Variants in ELAC1 observed in about 807,000 individuals in gnomAD.
The protein encoded by ELAC1 is zinc phosphodiesterase ELAC protein 1.
Under a neutral mutation model 25.8 loss-of-function variants are expected in ELAC1, and 19 were observed. The observed-to-expected ratio is 0.74, with a 90% CI of 0.51 to 1.08. The LOEUF (loss-of-function observed/expected upper bound fraction) is 1.08. Ranked by LOEUF, ELAC1 falls within the 50% of genes least tolerant of loss-of-function variation. ELAC1 has a pLI of 0.00. For missense variants in ELAC1, 403 were observed against 434.6 expected (o/e 0.93, Z 0.65); for synonymous variants, 148 against 160.9 (o/e 0.92, Z 0.61).
chr18:50,969,581 T>C (rs569714776), intron 1 of ELAC1: 1 of 152,330 alleles, frequency 6.6e-6, no homozygotes, highest in African/African-American at 2.4e-5. Context: ...TGGCAACCCC[T>C]AATGAAATAA....
At position 50,974,511 on chromosome 18, in the gene ELAC1, A is replaced by C; in HGVS notation, c.107A>C (p.Asp36Ala). The change falls in exon 2 of 4, where the codon GAC (aspartate) becomes GCC (alanine). Residue 36 changes from aspartate (D) to alanine (A), a missense_variant. Coordinates refer to ENST00000269466, the MANE Select transcript of ELAC1 (RefSeq NM_018696.3). ...TGTGAAGGCGAGTGCTGGCTCTTTG[A>C]CTGTGGGGAGGGAACACAGACACAG... ...LRCEGECWLF[D>A]CGEGTQTQLM... 6.2e-7 allele frequency: 1 copy of C among 1,613,206 alleles called. No individual in the cohort carries two copies. The highest frequency in any genetic ancestry group is 8.5e-7 in the Non-Finnish European group (1 of 1,179,664).
At chr18:50,971,534 C>T (rs934594973) in intron 1 of ELAC1, among the ~76,000 whole-genome samples, 1 of 152,020 alleles carries the variant, frequency 6.6e-6, no homozygotes, top group Admixed American at 6.6e-5. Context: ...ACTATAAGCA[C>T]ATGCCTCCAT....
At chr18:50,972,071 T>C (rs996452111) in intron 1 of ELAC1, among the ~76,000 whole-genome samples, 4 of 150,430 alleles carry the variant, frequency 2.7e-5, no homozygotes, top group Non-Finnish European at 5.9e-5. Context: ...AGGTTTTTTT[T>C]CTTGTCCTTT....
intron 2 of ELAC1, among the ~76,000 whole-genome samples, chr18:50,977,004 C>T (rs905314631): frequency 6.6e-6 from 1 of 152,240 alleles, no homozygotes; most frequent in African/African-American, 2.4e-5. Flanking sequence ...TGTCTCACAT[C>T]CAGGGCATGC....
chr18:50,971,906 GTGTGTGTA>G lies in ELAC1; in HGVS notation c.-8-2489_-8-2482del, dbSNP rs1178243646. ...TATATATATGTATATATGTGTGTGT[GTGTGTGTA>G]TATATATATATATATATATATATAT... On this transcript the variant is annotated intron_variant, in intron 1 of 3. Coordinates refer to ENST00000269466, the MANE Select transcript of ELAC1 (RefSeq NM_018696.3). 8.9e-4 allele frequency among the ~76,000 whole-genome samples: 96 copies of G among 108,444 alleles called. 1 individual carries two copies. Among genetic ancestry groups the G allele is most frequent in the African/African-American group, 3.2e-3 (91 of 28,334 alleles). The allele number at this position is 108,444 out of a possible 152,430, so 71.1% of individuals were successfully genotyped here.
intron 1 of ELAC1, among the ~76,000 whole-genome samples, chr18:50,970,451 A>G (rs977573169): frequency 3.3e-5 from 5 of 152,230 alleles, no homozygotes; most frequent in African/African-American, 1.2e-4. Flanking sequence ...ATCAATAAGG[A>G]AGCCTCTGCA....
intron 2 of ELAC1, among the ~76,000 whole-genome samples, chr18:50,981,845 T>G (rs921937265): frequency 4.9e-5 from 7 of 143,520 alleles, no homozygotes; most frequent in Admixed American, 2.2e-4. Flanking sequence ...CTATAGTTCT[T>G]TTTTTTTTTT....
At chr18:50,977,458 C>T (rs115995850) in intron 2 of ELAC1, among the ~76,000 whole-genome samples, 2,800 of 152,318 alleles carry the variant, frequency 0.018, 90 homozygotes, top group African/African-American at 0.064. Flanking sequence ...CTGAAGCAAC[C>T]GCCTGAGCTG....
intron 2 of ELAC1, among the ~76,000 whole-genome samples, chr18:50,974,768 G>A (rs1182852203): frequency 6.6e-6 from 1 of 152,172 alleles, no homozygotes; most frequent in Non-Finnish European, 1.5e-5. Flanking sequence ...CATTTATCCT[G>A]TAGATGCTGA....
intron 2 of ELAC1, among the ~76,000 whole-genome samples, chr18:50,981,018 T>C (rs1173489172): frequency 1.3e-5 from 2 of 152,140 alleles, no homozygotes; most frequent in African/African-American, 4.8e-5. Flanking sequence ...GTCTGGGATT[T>C]AATGTACTCA....
chr18:50,979,759 C>T (rs868286652), intron 2 of ELAC1, among the ~76,000 whole-genome samples: 25 of 151,984 alleles, frequency 1.6e-4, no homozygotes, highest in African/African-American at 6.0e-4. Flanking sequence ...CAGAGTCTTG[C>T]TCTGTAGCTC....
At chr18:50,968,711 G>A (rs994689660) in intron 1 of ELAC1, 2 of 152,106 alleles carry the variant, frequency 1.3e-5, no homozygotes, top group African/African-American at 2.4e-5. Flanking sequence ...AAAGCAAGCA[G>A]CTGGGTTTTT....
Position 50,974,501 on chromosome 18 carries a change from T to G in ELAC1, c.97T>G (p.Trp33Gly). 1 of 1,612,926 alleles carries G rather than the reference T, an allele frequency of 6.2e-7. No individual in the cohort carries two copies. Among genetic ancestry groups the G allele is most frequent in the Non-Finnish European group, 8.5e-7 (1 of 1,179,480 alleles). The change falls in exon 2 of 4, where the codon TGG (tryptophan) becomes GGG (glycine). Residue 33 changes from tryptophan (W) to glycine (G), a missense_variant. By Grantham distance (184) the Trp-to-Gly change is radical (BLOSUM62 -2). Coordinates refer to ENST00000269466, the MANE Select transcript of ELAC1 (RefSeq NM_018696.3). ...AVVLRCEGEC[W>G]LFDCGEGTQT... is the part of the protein sequence containing the mutation. Reference sequence around the variant, plus strand: ...GGTCCTTCGGTGTGAAGGCGAGTGCTGGCTCTTTGACTGTGGGGAGGGAAC... The same window carrying G: ...GGTCCTTCGGTGTGAAGGCGAGTGCGGGCTCTTTGACTGTGGGGAGGGAAC...
intron 2 of ELAC1, among the ~76,000 whole-genome samples, chr18:50,981,414 A>G (rs981672881): frequency 6.6e-5 from 10 of 152,130 alleles, no homozygotes; most frequent in African/African-American, 9.6e-5. Flanking sequence ...TGAGCAATGT[A>G]TACAAACAAT....
chr18:50,986,590 G>T, intron 3 of ELAC1, 29 bp from the exon 4 acceptor site: 1 of 1,518,902 alleles, frequency 6.6e-7, no homozygotes, highest in Non-Finnish European at 9.0e-7. Context: ...CCATTCCTAT[G>T]ATGTAATGTT....
In ELAC1 at chr18:50,984,179, C is replaced by T. The variant is rs1043129867; in HGVS notation, c.241C>T (p.Gln81Ter). ...LPGLLCTISL[Q>*]SGSMVSKQPI... is the part of the protein sequence containing the mutation. ...TGGGCTCCTCTGCACAATCAGCCTGCAGAGTGGCTCCATGGTGTCCAAACA... is the reference window on the plus strand; with the variant it reads ...TGGGCTCCTCTGCACAATCAGCCTGTAGAGTGGCTCCATGGTGTCCAAACA... The change falls in exon 3 of 4, where the codon CAG (glutamine) becomes TAG (stop). Residue 81 changes from glutamine to a stop codon, truncating the protein, a stop_gained. Transcript: ENST00000269466. LOFTEE classifies it high-confidence loss of function. The T allele has an allele frequency of 6.2e-7, 1 of 1,614,200 alleles. No individual in the cohort carries two copies. Among genetic ancestry groups the T allele is most frequent in the Non-Finnish European group, 8.5e-7 (1 of 1,180,016 alleles).
chr18:50,974,483 C>T lies in ELAC1; in HGVS notation c.79C>T (p.Arg27Trp), dbSNP rs778285548. ...PTRGASAVVLRCEGECWLFDC... is the reference protein window; with the variant it reads ...PTRGASAVVLWCEGECWLFDC... ...CCGGGGTGCCTCTGCTGTGGTCCTT[C>T]GGTGTGAAGGCGAGTGCTGGCTCTT... Residue 27 changes from arginine to tryptophan, a missense_variant, in exon 2 of 4, where the codon CGG becomes TGG. Physicochemically the swap from Arg to Trp is moderately radical, Grantham distance 101. Transcript: ENST00000269466. 11 of 1,609,828 alleles carry T rather than the reference C, an allele frequency of 6.8e-6. No homozygotes were observed. Among genetic ancestry groups the T allele is most frequent in the South Asian group, 1.1e-5 (1 of 90,460 alleles).
intron 1 of ELAC1, chr18:50,969,222 A>C (rs1305542169): frequency 6.6e-6 from 1 of 152,154 alleles, no homozygotes; most frequent in South Asian, 2.1e-4. Context: ...TGTCTCTTAG[A>C]TCTCTCTTAA....
intron 1 of ELAC1, among the ~76,000 whole-genome samples, chr18:50,970,661 T>TA (rs1229276028): frequency 7.1e-6 from 1 of 140,964 alleles, no homozygotes; most frequent in East Asian, 2.0e-4. Flanking sequence ...AGTGTGTAGT[T>TA]AGAGAAGCAT....
Sources: gnomAD v4.1 joint callset for allele counts (sites outside exome capture counted in the v4.1 genomes callset) on GRCh38, gnomAD v4.1.1 for gene constraint, MANE v1.5 for transcripts, NCBI Gene and HGNC (gene_info 2026-07-23, HGNC 2026-07-21) for gene names.